Variants in PKP4 observed in about 807,000 individuals in gnomAD.
The protein encoded by PKP4 is plakophilin 4.
Under a neutral mutation model 145.1 loss-of-function variants are expected in PKP4, and 90 were observed. The ratio of observed to expected loss-of-function variants is 0.62; its 90% CI spans 0.52 to 0.74. PKP4 has a LOEUF of 0.74. Ranked by LOEUF, PKP4 falls within the 30% of genes least tolerant of loss-of-function variation. The pLI, the probability that PKP4 is intolerant of heterozygous loss-of-function variation, is 0.00. For missense variants in PKP4, 1,340 were observed against 1,482.7 expected (o/e 0.90, Z 1.58); for synonymous variants, 563 against 577.2 (o/e 0.98, Z 0.35).
rs183271284 is a variant in PKP4, at chr2:158,554,918, A to C, written c.132+21602A>C. ...TAGGTAGCAAGAACAGCAGGGGTCC[A>C]CTACATAATACTTGCACAGTGCATG... On this transcript the variant is annotated intron_variant, in intron 2 of 21. Transcript: ENST00000389759. Among the ~76,000 whole-genome samples, 127 of 152,344 alleles carry C rather than the reference A, an allele frequency of 8.3e-4. 1 individual carries two copies. The highest frequency in any genetic ancestry group is 3.0e-3 in the African/African-American group (125 of 41,578).
chr2:158,487,975 G>A (rs138579164), intron 1 of PKP4, among the ~76,000 whole-genome samples: 29 of 152,216 alleles, frequency 1.9e-4, no homozygotes, highest in African/African-American at 6.7e-4. Context: ...ATATTGATTC[G>A]TTTCTTCAGT....
intron 4 of PKP4, among the ~76,000 whole-genome samples, chr2:158,617,240 GACAT>G (rs1318878729): frequency 1.3e-5 from 2 of 152,024 alleles, no homozygotes; most frequent in African/African-American, 4.8e-5. Flanking sequence ...TGTATTTTTA[GACAT>G]ACATTTTCGA....
At chr2:158,522,191 G>T (rs1315754903) in intron 1 of PKP4, among the ~76,000 whole-genome samples, 1 of 152,062 alleles carries the variant, frequency 6.6e-6, no homozygotes, top group Non-Finnish European at 1.5e-5. Context: ...CGAGTAGAAG[G>T]GAATTAAGTA....
rs192883436 is a variant in PKP4 at position 158,573,243 on chromosome 2, C to T, written c.133-4028C>T. ...TCTCAAAATCATGTTGCAGTAAAAGCAATCTGCAAAAACTGTACAATATAC... is the reference window on the plus strand; with the variant it reads ...TCTCAAAATCATGTTGCAGTAAAAGTAATCTGCAAAAACTGTACAATATAC... On this transcript the variant is annotated intron_variant, in intron 2 of 21. Coordinates refer to ENST00000389759, the MANE Select transcript of PKP4 (RefSeq NM_003628.6). Among the ~76,000 whole-genome samples, 23 of 152,278 alleles carry T rather than the reference C, an allele frequency of 1.5e-4. No individual in the cohort carries two copies. In the East Asian group the frequency reaches 3.9e-3, roughly 26 times the overall value.
chr2:158,483,215 T>C (rs1338526334), intron 1 of PKP4, among the ~76,000 whole-genome samples: 2 of 152,218 alleles, frequency 1.3e-5, no homozygotes, highest in East Asian at 1.9e-4. Context: ...CCATTTCTCA[T>C]GGTGGAATTT....
chr2:158,561,210 A>C (rs2046485307), intron 2 of PKP4, among the ~76,000 whole-genome samples: 1 of 152,190 alleles, frequency 6.6e-6, no homozygotes, highest in South Asian at 2.1e-4. Flanking sequence ...TCCCAGGTCA[A>C]AGGTGAGTAG....
chr2:158,623,341 AT>A (rs1219373999), intron 6 of PKP4, among the ~76,000 whole-genome samples: 4 of 151,834 alleles, frequency 2.6e-5, no homozygotes, highest in Non-Finnish European at 5.9e-5. Context: ...TGCCCAGCTA[AT>A]TTTTTTGTTT....
At chr2:158,618,734 G>T (rs931440416) in intron 4 of PKP4, among the ~76,000 whole-genome samples, 3 of 147,676 alleles carry the variant, frequency 2.0e-5, no homozygotes, top group East Asian at 2.0e-4. Context: ...CTCTTTTTCT[G>T]TTTTTTTTTT....
At chr2:158,635,733 G>A (rs555347640) in intron 9 of PKP4, among the ~76,000 whole-genome samples, 60 of 152,058 alleles carry the variant, frequency 3.9e-4, no homozygotes, top group Non-Finnish European at 8.2e-4. Context: ...GCATAAAACT[G>A]ATGGCTGTCT....
chr2:158,529,975 C>T (rs2043369349), intron 1 of PKP4, among the ~76,000 whole-genome samples: 1 of 152,144 alleles, frequency 6.6e-6, no homozygotes. Context: ...ATGTTAGAAA[C>T]CTCTATAGGT....
intron 8 of PKP4, among the ~76,000 whole-genome samples, chr2:158,633,708 GA>G (rs1247865354): frequency 6.6e-6 from 1 of 152,110 alleles, no homozygotes; most frequent in Non-Finnish European, 1.5e-5. Context: ...TTACAAATTT[GA>G]ATAAATATCT....
chr2:158,638,778 G>A (rs2054027607), intron 9 of PKP4, among the ~76,000 whole-genome samples: 2 of 152,194 alleles, frequency 1.3e-5, no homozygotes, highest in African/African-American at 4.8e-5. Flanking sequence ...CTTGCTGATG[G>A]ATTCCATGAG....
chr2:158,539,540 G>A (rs1283391313), intron 2 of PKP4, among the ~76,000 whole-genome samples: 1 of 152,160 alleles, frequency 6.6e-6, no homozygotes, highest in Non-Finnish European at 1.5e-5. Flanking sequence ...TAGAAGTCTT[G>A]TGCTGTAAGT....
chr2:158,572,772 C>A (rs2047519960), intron 2 of PKP4, among the ~76,000 whole-genome samples: 2 of 152,092 alleles, frequency 1.3e-5, no homozygotes, highest in Admixed American at 6.5e-5. Flanking sequence ...CAGGGAAATA[C>A]AAAATAAAAC....
At chr2:158,522,662 A>T (rs1427693194) in intron 1 of PKP4, among the ~76,000 whole-genome samples, 1 of 152,228 alleles carries the variant, frequency 6.6e-6, no homozygotes, top group Non-Finnish European at 1.5e-5. Context: ...TCCGGTCTAC[A>T]GCTCCCAGCG....
At chr2:158,642,112 C>T (rs2054341084) in intron 10 of PKP4, among the ~76,000 whole-genome samples, 1 of 152,186 alleles carries the variant, frequency 6.6e-6, no homozygotes, top group Non-Finnish European at 1.5e-5. Context: ...ACCTCCACCT[C>T]CCAGGTTCCA....
intron 1 of PKP4, among the ~76,000 whole-genome samples, chr2:158,490,700 C>T (rs1357998115): frequency 6.6e-6 from 1 of 152,186 alleles, no homozygotes; most frequent in Non-Finnish European, 1.5e-5. Flanking sequence ...GCATGAGTCT[C>T]TGTAGGTTTA....
chr2:158,671,641 G>C (rs1284429523), intron 17 of PKP4, among the ~76,000 whole-genome samples: 2 of 152,186 alleles, frequency 1.3e-5, no homozygotes, highest in Non-Finnish European at 2.9e-5. Context: ...CCTGCCTGCT[G>C]TGTGCCAGAC....
chr2:158,494,176 C>T (rs1695347485), intron 1 of PKP4, among the ~76,000 whole-genome samples: 1 of 151,980 alleles, frequency 6.6e-6, no homozygotes, highest in East Asian at 1.9e-4. Flanking sequence ...TCATCCATTA[C>T]ACCAATTTAG....
Sources: allele counts gnomAD v4.1 joint callset (sites outside exome capture counted in the v4.1 genomes callset), GRCh38; gene constraint gnomAD v4.1.1; transcripts MANE v1.5; gene names NCBI Gene and HGNC (gene_info 2026-07-23, HGNC 2026-07-21).